The following WIPF1 variants were observed in gnomAD, a reference collection of about 807,000 sequenced individuals.
WIPF1 encodes WAS/WASL-interacting protein family member 1.
WIPF1 carries 13 observed loss-of-function variants against 35.4 expected under a neutral mutation model. The ratio of observed to expected loss-of-function variants is 0.37; its 90% CI spans 0.24 to 0.58. The LOEUF (loss-of-function observed/expected upper bound fraction) is 0.58, where lower values mean the gene tolerates loss of function less well. Ranked by LOEUF, WIPF1 falls within the 20% of genes least tolerant of loss-of-function variation. The pLI is 0.74. For missense variants in WIPF1, 591 were observed against 667.0 expected (o/e 0.89, Z 1.25); for synonymous variants, 267 against 266.3 (o/e 1.00, Z -0.02).
intron 7 of WIPF1, among the ~76,000 whole-genome samples, chr2:174,564,778 G>T (rs1343638737): frequency 1.3e-5 from 2 of 150,214 alleles, no homozygotes; most frequent in African/African-American, 2.5e-5. Context: ...AAGGAAGAAG[G>T]GCTGTACTCT....
chr2:174,666,552 T>A (rs1387530848), intron 1 of WIPF1, among the ~76,000 whole-genome samples: 2 of 152,204 alleles, frequency 1.3e-5, no homozygotes, highest in African/African-American at 4.8e-5. Flanking sequence ...TGAGAGTTCA[T>A]TAGTTTACAT....
intron 3 of WIPF1, among the ~76,000 whole-genome samples, chr2:174,576,243 A>AAAAAAAAAAAAAAAAAAAAAC (rs1559149036): frequency 1.1e-4 from 16 of 150,342 alleles, no homozygotes; most frequent in African/African-American, 4.0e-4. Context: ...AAAAAAAAAA[A>AAAAAAAAAAAAAAAAAAAAAC]AAAAAACACT....
chr2:174,634,060 C>A (rs548261787), intron 1 of WIPF1, among the ~76,000 whole-genome samples: 1 of 152,224 alleles, frequency 6.6e-6, no homozygotes, highest in South Asian at 2.1e-4. Flanking sequence ...GAGATGAAAA[C>A]CCCACAAAAC....
At chr2:174,634,937 G>A (rs1198939922) in intron 1 of WIPF1, among the ~76,000 whole-genome samples, 2 of 152,184 alleles carry the variant, frequency 1.3e-5, no homozygotes, top group Non-Finnish European at 2.9e-5. Flanking sequence ...TGGGGCTTGG[G>A]TGCTCTGCTG....
chr2:174,668,184 C>CATT, intron 1 of WIPF1, among the ~76,000 whole-genome samples: 2 of 152,308 alleles, frequency 1.3e-5, no homozygotes, highest in Non-Finnish European at 2.9e-5. Context: ...ATCTATGGAA[C>CATT]ATTTTATGCA....
Position 174,569,886 on chromosome 2 carries a change from C to A in WIPF1, c.1129+1790G>T, listed in dbSNP as rs573661519. 1.7e-4 allele frequency among the ~76,000 whole-genome samples: 26 copies of A among 152,298 alleles called. No homozygotes were observed. In the South Asian group the frequency reaches 4.4e-3, roughly 26 times the overall value. ...CACTGAAGCCAAACAACTCAGAATA[C>A]ACAGGGCCTTTGATGAACTCTCATA... On this transcript the variant is annotated intron_variant, in intron 5 of 7. Transcript: ENST00000679041.
intron 1 of WIPF1, among the ~76,000 whole-genome samples, chr2:174,660,733 C>T (rs528467981): frequency 1.6e-4 from 25 of 152,268 alleles, no homozygotes; most frequent in Non-Finnish European, 3.1e-4. Flanking sequence ...TTAATCTTGG[C>T]TCAACCATGT....
intron 1 of WIPF1, among the ~76,000 whole-genome samples, chr2:174,631,712 A>C (rs1687028189): frequency 6.6e-6 from 1 of 152,212 alleles, no homozygotes. Context: ...CTTCTTTCTG[A>C]GAAATCCAGA....
chr2:174,647,679 T>C (rs1489769947), intron 1 of WIPF1, among the ~76,000 whole-genome samples: 1 of 146,444 alleles, frequency 6.8e-6, no homozygotes, highest in Non-Finnish European at 1.5e-5. Flanking sequence ...GAAAACGGCA[T>C]ATGAATTACA....
chr2:174,607,452 T>C (rs890019403), intron 1 of WIPF1, among the ~76,000 whole-genome samples: 7 of 152,132 alleles, frequency 4.6e-5, no homozygotes, highest in Admixed American at 1.3e-4. Flanking sequence ...CATGGTTGCA[T>C]TCAGGATTAA....
At chr2:174,619,176 T>G (rs1686603203) in intron 1 of WIPF1, among the ~76,000 whole-genome samples, 1 of 152,182 alleles carries the variant, frequency 6.6e-6, no homozygotes, top group Admixed American at 6.5e-5. Context: ...CTCAAACTCT[T>G]GGGCTCAAGC....
At position 174,575,350 on chromosome 2, in the gene WIPF1, C is replaced by T. The variant is rs145037448; in HGVS notation, c.212G>A (p.Gly71Asp). The T allele has an allele frequency of 2.7e-4, 431 of 1,612,972 alleles. 2 individuals carry two copies. Among genetic ancestry groups the T allele is most frequent in the Middle Eastern group, 3.3e-4 (2 of 6,076 alleles). ...KPKGAGAGGG[G>D]GGFGGGGGFG... ...TCCGCCGCCTCCACCAAAGCCACCA[C>T]CACCGCCTCCAGCACCAGCTCCTTT... The change falls in exon 4 of 8, where the codon GGT (glycine) becomes GAT (aspartate). Residue 71 changes from glycine (G) to aspartate (D), a missense_variant. By Grantham distance (94) the Gly-to-Asp change is moderately conservative (BLOSUM62 -1). Transcript: ENST00000679041.
At chr2:174,674,345 T>C (rs1688084630) in intron 1 of WIPF1, among the ~76,000 whole-genome samples, 1 of 152,244 alleles carries the variant, frequency 6.6e-6, no homozygotes, top group Non-Finnish European at 1.5e-5. Context: ...AGCTTTGCAG[T>C]CTTAAAGCTC....
intron 1 of WIPF1, among the ~76,000 whole-genome samples, chr2:174,671,829 T>A (rs996509789): frequency 6.6e-6 from 1 of 152,184 alleles, no homozygotes; most frequent in Non-Finnish European, 1.5e-5. Context: ...CCCTGTCTCC[T>A]GATGTTATCA....
intron 1 of WIPF1, among the ~76,000 whole-genome samples, chr2:174,666,379 T>C (rs1687891556): frequency 6.6e-6 from 1 of 152,210 alleles, no homozygotes; most frequent in African/African-American, 2.4e-5. Flanking sequence ...GGCCTCCAAA[T>C]TAGGACTGAG....
chr2:174,627,610 G>A (rs1241734791), intron 1 of WIPF1, among the ~76,000 whole-genome samples: 1 of 149,406 alleles, frequency 6.7e-6, no homozygotes, highest in Non-Finnish European at 1.5e-5. Flanking sequence ...GTGTGATCAT[G>A]GCTCACTGCA....
At chr2:174,632,709 C>CAAAA (rs71024821) in intron 1 of WIPF1, among the ~76,000 whole-genome samples, 1 of 68,892 alleles carries the variant, frequency 1.5e-5, no homozygotes, top group African/African-American at 6.1e-5. Flanking sequence ...AACTCCATCT[C>CAAAA]AAAAAAAAAA....
intron 2 of WIPF1, among the ~76,000 whole-genome samples, chr2:174,584,608 G>A (rs1302366425): frequency 2.6e-5 from 4 of 152,150 alleles, no homozygotes; most frequent in African/African-American, 9.7e-5. Flanking sequence ...TCCCCAAAGA[G>A]GTCTATCAAA....
intron 2 of WIPF1, among the ~76,000 whole-genome samples, chr2:174,581,994 G>A (rs1381703544): frequency 1.3e-5 from 2 of 152,058 alleles, no homozygotes; most frequent in African/African-American, 4.8e-5. Context: ...ATTTATTAAG[G>A]TGTAATTTAC....
Sources: allele counts gnomAD v4.1 joint callset (sites outside exome capture counted in the v4.1 genomes callset), GRCh38; gene constraint gnomAD v4.1.1; transcripts MANE v1.5; gene names NCBI Gene and HGNC (gene_info 2026-07-23, HGNC 2026-07-21).